Variants in DNAH2 observed in about 807,000 individuals in gnomAD.
DNAH2 encodes axonemal beta dynein heavy chain 2.
A neutral mutation model predicts 523.5 loss-of-function variants in DNAH2; 323 were observed. The observed-to-expected ratio is 0.62, with a 90% confidence interval of 0.56 to 0.68. DNAH2 has a LOEUF of 0.68. Among genes scored for constraint, DNAH2 ranks in the 30% least tolerant of loss-of-function variants. The pLI is 0.00. For missense variants in DNAH2, 4,907 were observed against 5,701.5 expected (o/e 0.86, Z 4.49); for synonymous variants, 2,093 against 2,177.4 (o/e 0.96, Z 1.08).
In DNAH2 at chr17:7,807,921, G is replaced by C. The variant is rs1467067649; in HGVS notation, c.9729+335G>C. Among the ~76,000 whole-genome samples the C allele has an allele frequency of 1.3e-5, 2 of 152,224 alleles. No homozygotes were observed. The highest frequency in any genetic ancestry group is 2.9e-5 in the Non-Finnish European group (2 of 68,040). On this transcript the variant is annotated intron_variant, in intron 63 of 85. Transcript: ENST00000572933. The surrounding 1 kb of genome is among the most constrained non-coding windows in gnomAD (Gnocchi z 5.6). The stretch of plus-strand genomic sequence containing the variant: ...ACATCTGCGTGGCAAATTGGTCTTT[G>C]CCAGAGGGATGGGTCAAGAGTGTCT...
At chr17:7,725,442 T>TATATATATATATATATATATATATATG (rs1567600861) in intron 3 of DNAH2, among the ~76,000 whole-genome samples, 1 of 55,252 alleles carries the variant, frequency 1.8e-5, no homozygotes, top group African/African-American at 5.5e-5. Context: ...ATATATATAT[T>TATATATATATATATATATATATATATG]TTCTTTTTGA....
In DNAH2 at chr17:7,797,279, T is replaced by C. The variant is rs1300868845; in HGVS notation, c.7949+18T>C. On this transcript the variant is annotated intron_variant, in intron 51 of 85. Coordinates refer to ENST00000572933, the MANE Select transcript of DNAH2 (RefSeq NM_020877.5). The stretch of plus-strand genomic sequence containing the variant: ...TGTTTCAGGTGACATGCATGTGCCC[T>C]GGCCAAACGAAGGCTTCCTCAGCCT... 1.7e-5 allele frequency: 27 copies of C among 1,614,044 alleles called. No homozygotes were observed. The highest frequency in any genetic ancestry group is 8.3e-5 in the Admixed American group (5 of 60,002).
At position 7,823,441 on chromosome 17, in the gene DNAH2, G is replaced by A; in HGVS notation, c.11143-1G>A. On this transcript the variant is annotated splice_acceptor_variant, in intron 73 of 85. Transcript: ENST00000572933. LOFTEE classifies it high-confidence loss of function. ...CTTTCTTCCTCCCCTTCTCCCACCA[G>A]GTCTTGGATCGGGAGGGCCAAATGG... The A allele has an allele frequency of 6.2e-7, 1 of 1,613,128 alleles. No homozygotes were observed. The highest frequency in any genetic ancestry group is 1.1e-5 in the South Asian group (1 of 91,064).
chr17:7,727,754 C>CAAAAAAAAAAA (rs766811062), intron 4 of DNAH2, among the ~76,000 whole-genome samples: 9 of 48,970 alleles, frequency 1.8e-4, no homozygotes, highest in African/African-American at 7.5e-4. Context: ...GACTCTGTCT[C>CAAAAAAAAAAA]AAAAAAAAAA....
chr17:7,789,432 G>A (rs959913541), intron 44 of DNAH2, among the ~76,000 whole-genome samples: 1 of 152,018 alleles, frequency 6.6e-6, no homozygotes, highest in African/African-American at 2.4e-5. Flanking sequence ...GCGTGGCAGA[G>A]ACCCTGAGGA....
chr17:7,801,521 G>A, intron 56 of DNAH2, 57 bp from the exon 57 acceptor site: 1 of 1,606,652 alleles, frequency 6.2e-7, no homozygotes, highest in South Asian at 1.1e-5. Flanking sequence ...TGGGAAGCCA[G>A]TACCTGGAGG....
In DNAH2 at chr17:7,828,009, A is replaced by C. The variant is rs978138911; in HGVS notation, c.11854-2291A>C. 6.6e-6 allele frequency among the ~76,000 whole-genome samples: 1 copy of C among 152,030 alleles called. No homozygotes were observed. The highest frequency in any genetic ancestry group is 2.4e-5 in the African/African-American group (1 of 41,320). On this transcript the variant is annotated intron_variant, in intron 77 of 85. Transcript: ENST00000572933. The surrounding 1 kb of genome is among the most constrained non-coding windows in gnomAD (Gnocchi z 4.1). ...GAGTGCACTGGCACCATCTTGGCTCACTGCAACCTCTGCCTCCCAGGCTCT... is the reference window on the plus strand; with the variant it reads ...GAGTGCACTGGCACCATCTTGGCTCCCTGCAACCTCTGCCTCCCAGGCTCT...
At chr17:7,727,869 A>G (rs892412792) in intron 4 of DNAH2, among the ~76,000 whole-genome samples, 6 of 151,762 alleles carry the variant, frequency 4.0e-5, no homozygotes, top group Non-Finnish European at 8.8e-5. Context: ...TAGGAGCGTT[A>G]TGGGAGCAAC....
In DNAH2 at chr17:7,777,617, C is replaced by G; in HGVS notation, c.5230C>G (p.Arg1744Gly). The change falls in exon 33 of 86, where the codon CGG becomes GGG. Residue 1744 changes from arginine to glycine, a missense_variant. Transcript: ENST00000572933. ...TTCCTTTGACTGGCTCAGCCAACTT[C>G]GGTTCTACTGGGAGAAGGTGCCAGA... is the stretch of plus-strand genomic sequence containing the variant. ...VNSFDWLSQL[R>G]FYWEKDLDDC... 6.2e-7 allele frequency: 1 copy of G among 1,614,150 alleles called. No individual in the cohort carries two copies. Among genetic ancestry groups the G allele is most frequent in the Non-Finnish European group, 8.5e-7 (1 of 1,180,020 alleles).
At chr17:7,727,746 C>T (rs1427632082) in intron 4 of DNAH2, among the ~76,000 whole-genome samples, 2 of 126,474 alleles carry the variant, frequency 1.6e-5, no homozygotes, top group Non-Finnish European at 3.2e-5. Flanking sequence ...CAGAGAAAGA[C>T]TCTGTCTCAA....
intron 65 of DNAH2, 66 bp from the exon 66 acceptor site, chr17:7,817,495 C>A (rs540298377): frequency 4.1e-5 from 66 of 1,613,236 alleles, no homozygotes; most frequent in Non-Finnish European, 5.3e-5. Flanking sequence ...TAAGAGATAC[C>A]GTGAAGGCGC....
At chr17:7,817,244 A>G (rs1567747762) in intron 64 of DNAH2, 46 bp from the exon 65 acceptor site, 1 of 1,569,258 alleles carries the variant, frequency 6.4e-7, no homozygotes, top group Non-Finnish European at 8.6e-7. Flanking sequence ...AGTGTCTCCC[A>G]GAGTGCTGGG....
intron 63 of DNAH2, among the ~76,000 whole-genome samples, chr17:7,813,125 T>A (rs1379623065): frequency 2.0e-5 from 3 of 152,220 alleles, no homozygotes; most frequent in Admixed American, 2.0e-4. Context: ...CATATCCTCA[T>A]GCCCTTAGGC....
intron 61 of DNAH2, among the ~76,000 whole-genome samples, chr17:7,806,617 C>T (rs2077373330): frequency 7.0e-6 from 1 of 143,878 alleles, no homozygotes; most frequent in South Asian, 2.2e-4. Context: ...CGAGATTGCA[C>T]CTCTGCACTC....
Position 7,817,838 on chromosome 17 carries a change from G to T in DNAH2, c.10218G>T (p.Lys3406Asn). ...DPQAQALKWIKNMEGGQGLKI... is the reference protein window; with the variant it reads ...DPQAQALKWINNMEGGQGLKI... ...AGGCCCAGGCCCTGAAATGGATTAA[G>T]AACATGGAAGGAGGCCAGGTGTGAG... Residue 3406 changes from lysine (K) to asparagine (N), a missense_variant, in exon 67 of 86, where the codon AAG becomes AAT. Physicochemically the swap from Lys to Asn is moderately conservative, Grantham distance 94 (BLOSUM62 0). This residue lies in a region of DNAH2 where 1,851 missense variants were observed against 2,139.4 expected (regional missense o/e 0.87). Coordinates refer to ENST00000572933, the MANE Select transcript of DNAH2 (RefSeq NM_020877.5). 2 of 1,614,048 alleles carry T rather than the reference G, an allele frequency of 1.2e-6. No homozygotes were observed. The highest frequency in any genetic ancestry group is 2.2e-5 in the South Asian group (2 of 91,066).
In DNAH2 at chr17:7,754,714, C is replaced by T. The variant is rs1411855788; in HGVS notation, c.1905-2377C>T. On this transcript the variant is annotated intron_variant, in intron 12 of 85. Transcript: ENST00000572933. The surrounding 1 kb of genome is among the most constrained non-coding windows in gnomAD (Gnocchi z 4.6). ...CCCAACCTTGGGAAGCTTGCTCGTGCCCGCATGGCCAAGGGGCTCAGGCTG... is the reference window on the plus strand; with the variant it reads ...CCCAACCTTGGGAAGCTTGCTCGTGTCCGCATGGCCAAGGGGCTCAGGCTG... 2.0e-5 allele frequency: 23 copies of T among 1,161,170 alleles called. No homozygotes were observed. The highest frequency in any genetic ancestry group is 2.4e-5 in the Non-Finnish European group (19 of 786,412). 71.9% of individuals were successfully genotyped at this position (1,161,170 alleles called of 1,614,324 possible). A position where few individuals can be genotyped will look rare whatever the true frequency, so the allele number is the denominator to read the frequency against.
chr17:7,766,029 G>A (rs376748452), intron 21 of DNAH2, among the ~76,000 whole-genome samples: 6 of 151,920 alleles, frequency 3.9e-5, no homozygotes, highest in African/African-American at 1.2e-4. Context: ...TGCCTGCCTC[G>A]GCCTCCCAAA....
At chr17:7,751,650 G>A (rs571398699) in intron 12 of DNAH2, among the ~76,000 whole-genome samples, 28 of 152,010 alleles carry the variant, frequency 1.8e-4, no homozygotes, top group African/African-American at 6.3e-4. Context: ...GAGTATATTC[G>A]TGTCTATTTT....
Position 7,759,264 on chromosome 17 carries a change from C to T in DNAH2, c.2448+140C>T, listed in dbSNP as rs1007469764. On this transcript the variant is annotated intron_variant, in intron 15 of 85. Coordinates refer to ENST00000572933, the MANE Select transcript of DNAH2 (RefSeq NM_020877.5). ...AAACATCGTGCTCTAGTCTTGGACT[C>T]AGCCAACCTTCAGTCCTCACACCTC... 4 of 1,440,810 alleles carry T rather than the reference C, an allele frequency of 2.8e-6. No individual in the cohort carries two copies. In the Admixed American group the frequency reaches 9.1e-5, roughly 33 times the overall value. The allele number at this position is 1,440,810 out of a possible 1,614,324, so 89.3% of individuals were successfully genotyped here. A position where few individuals can be genotyped will look rare whatever the true frequency, so the allele number is the denominator to read the frequency against.
Sources: allele counts gnomAD v4.1 joint callset (sites outside exome capture counted in the v4.1 genomes callset), GRCh38; gene constraint gnomAD v4.1.1; regional missense constraint gnomAD v4.1.1; non-coding constraint Gnocchi (gnomAD v3.1); transcripts MANE v1.5; gene names NCBI Gene and HGNC (gene_info 2026-07-23, HGNC 2026-07-21).